The following UTP15 variants were observed in gnomAD, a reference collection of about 807,000 sequenced individuals.
UTP15 encodes U3 small nucleolar RNA-associated protein 15 homolog.
Under a neutral mutation model 59.1 loss-of-function variants are expected in UTP15, and 5 were observed. The ratio of observed to expected loss-of-function variants is 0.08; its 90% CI spans 0.04 to 0.18. The LOEUF is 0.18. Among genes scored for constraint, UTP15 ranks in the 10% least tolerant of loss-of-function variants. UTP15 has a pLI of 1.00. For missense variants in UTP15, 494 were observed against 616.7 expected (o/e 0.80, Z 2.11); for synonymous variants, 211 against 212.2 (o/e 0.99, Z 0.05).
At chr5:73,578,615 A>T in intron 9 of UTP15, 136 bp from the exon 10 acceptor site, 1 of 660,976 alleles carries the variant, frequency 1.5e-6, no homozygotes. Flanking sequence ...ATTTTTATTT[A>T]ATCTACATTA....
At chr5:73,578,489 T>G in intron 9 of UTP15, 1 of 382,760 alleles carries the variant, frequency 2.6e-6, no homozygotes, top group Admixed American at 4.1e-5. Context: ...AATTTTTACC[T>G]AGAATTAAGG....
intron 12 of UTP15, 70 bp downstream of exon 12, chr5:73,579,445 G>A: frequency 8.2e-7 from 1 of 1,223,418 alleles, no homozygotes; most frequent in Non-Finnish European, 1.2e-6. Context: ...AATCAAATTT[G>A]GAAATCAAGT....
intron 7 of UTP15, among the ~76,000 whole-genome samples, chr5:73,574,976 G>A (rs1748049066): frequency 6.6e-6 from 1 of 152,166 alleles, no homozygotes; most frequent in Non-Finnish European, 1.5e-5. Context: ...CACATCCACT[G>A]TATACTTTAA....
At chr5:73,570,780 C>G in intron 6 of UTP15, 69 bp downstream of exon 6, 6 of 1,590,190 alleles carry the variant, frequency 3.8e-6, no homozygotes, top group South Asian at 1.1e-5. Flanking sequence ...ATCAGTTGCT[C>G]TTTGTAATTT....
intron 4 of UTP15, 95 bp downstream of exon 4, chr5:73,568,699 A>C: frequency 1.6e-6 from 2 of 1,230,506 alleles, no homozygotes; most frequent in South Asian, 3.3e-5. Context: ...GATCAGTTTT[A>C]TGGAGATTAT....
chr5:73,574,377 T>C (rs1380523664), intron 7 of UTP15, among the ~76,000 whole-genome samples: 1 of 152,120 alleles, frequency 6.6e-6, no homozygotes, highest in East Asian at 1.9e-4. Flanking sequence ...AAATTAAAAT[T>C]AGATAAAATA....
rs1038597206 is a variant in UTP15 at position 73,577,719 on chromosome 5, C to T, written c.895-137C>T. On this transcript the variant is annotated intron_variant, in intron 8 of 12. Transcript: ENST00000296792. ...ACGTCTTGCACCAATCATCGTTAGGCAGACTATGTGTATTTGAATGGAACT... is the reference window on the plus strand; with the variant it reads ...ACGTCTTGCACCAATCATCGTTAGGTAGACTATGTGTATTTGAATGGAACT... The T allele has an allele frequency of 1.6e-4, 111 of 705,796 alleles. No homozygotes were observed. The African/African-American group carries it at 1.7e-3, about 11-fold the overall frequency. The allele number at this position is 705,796 out of a possible 1,614,324, so 43.7% of individuals were successfully genotyped here.
Position 73,570,625 on chromosome 5 carries a change from C to T in UTP15, c.587C>T (p.Thr196Met), listed in dbSNP as rs185065676. 88 of 1,614,132 alleles carry T rather than the reference C, an allele frequency of 5.5e-5. No homozygotes were observed. In the East Asian group the frequency reaches 1.4e-3, roughly 25 times the overall value. The change falls in exon 6 of 13, where the codon ACG (threonine) becomes ATG (methionine). Residue 196 changes from threonine (T) to methionine (M), a missense_variant. Transcript: ENST00000296792. ...DHTVKMFDAR[T>M]SESVLSVEHG... ...ACTGTGAAGATGTTTGATGCACGAA[C>T]GAGTGAGAGTGTTCTCTCCGTTGAG... is the stretch of plus-strand genomic sequence containing the variant.
chr5:73,578,544 T>A, intron 9 of UTP15: 1 of 501,210 alleles, frequency 2.0e-6, no homozygotes, highest in South Asian at 2.8e-5. Flanking sequence ...AGTAAGAACA[T>A]GTTGATGTAG....
intron 9 of UTP15, chr5:73,578,505 G>A: frequency 4.7e-6 from 2 of 424,636 alleles, no homozygotes; most frequent in Non-Finnish European, 8.5e-6. Flanking sequence ...TAAGGCAATG[G>A]TGCATGTTGT....
chr5:73,568,714 C>G (rs564294766), intron 4 of UTP15, 110 bp downstream of exon 4: 1 of 1,000,568 alleles, frequency 1.0e-6, no homozygotes, highest in African/African-American at 1.6e-5. Flanking sequence ...GATTATTTGC[C>G]TATAGGTACT....
At chr5:73,576,377 A>C (rs1748093647) in intron 7 of UTP15, among the ~76,000 whole-genome samples, 3 of 151,692 alleles carry the variant, frequency 2.0e-5, no homozygotes, top group Admixed American at 2.0e-4. Context: ...AAGTGCTGGG[A>C]TTACAGACCT....
Position 73,582,840 on chromosome 5 carries a change from G to C in UTP15, c.*2746G>C, listed in dbSNP as rs1748364556. 7 of 152,126 alleles carry C rather than the reference G, an allele frequency of 4.6e-5. No individual in the cohort carries two copies. Among genetic ancestry groups the C allele is most frequent in the Admixed American group, 3.3e-4 (5 of 15,272 alleles). The allele number at this position is 152,126 out of a possible 1,614,324, so 9.4% of individuals were successfully genotyped here. Reference sequence around the variant, plus strand: ...TTAGACTTATGAGTTTCAGTTGAAAGGTATTTTAAAATGTTACTAAGTCTG... The same window carrying C: ...TTAGACTTATGAGTTTCAGTTGAAACGTATTTTAAAATGTTACTAAGTCTG... On this transcript the variant is annotated 3_prime_UTR_variant, in exon 13 of 13. Coordinates refer to ENST00000296792, the MANE Select transcript of UTP15 (RefSeq NM_032175.4).
intron 9 of UTP15, 131 bp from the exon 10 acceptor site, chr5:73,578,620 A>G (rs113141150): frequency 1.4e-6 from 1 of 730,830 alleles, no homozygotes; most frequent in Non-Finnish European, 2.2e-6. Flanking sequence ...TATTTAATCT[A>G]CATTATGGGC....
chr5:73,568,350 T>G, intron 3 of UTP15, 23 bp downstream of exon 3: 1 of 1,584,760 alleles, frequency 6.3e-7, no homozygotes, highest in South Asian at 1.2e-5. Flanking sequence ...TTAAATTTCT[T>G]TATTTTTCTT....
rs749346008 is a variant in UTP15 at position 73,580,088 on chromosome 5, A to T, written c.1551A>T (p.Glu517Asp). 3 of 1,612,724 alleles carry T rather than the reference A, an allele frequency of 1.9e-6. No homozygotes were observed. The highest frequency in any genetic ancestry group is 2.5e-6 in the Non-Finnish European group (3 of 1,179,168). ...GATTTCCAGAGAATAAGAAGATAGA[A>T]TCATAGTGTCTGCTAAATAAGACAT... ...SDGFPENKKIES is the reference protein window; with the variant it reads ...SDGFPENKKIDS Residue 517 changes from glutamate to aspartate, a missense_variant, in exon 13 of 13, where the codon GAA (glutamate) becomes GAT (aspartate). Coordinates refer to ENST00000296792, the MANE Select transcript of UTP15 (RefSeq NM_032175.4).
intron 7 of UTP15, among the ~76,000 whole-genome samples, chr5:73,575,336 TG>T (rs1748058244): frequency 6.6e-6 from 1 of 152,240 alleles, no homozygotes; most frequent in Non-Finnish European, 1.5e-5. Context: ...GAGTGATTTT[TG>T]TTCCTCAAGG....
Position 73,581,940 on chromosome 5 carries a change from T to C in UTP15, c.*1846T>C, listed in dbSNP as rs1471335664. ...TTTGGGGTTGAGAAGAGTTCATTTATTTAAATAAAGTTTCTATTTAAAAAC... is the reference window on the plus strand; with the variant it reads ...TTTGGGGTTGAGAAGAGTTCATTTACTTAAATAAAGTTTCTATTTAAAAAC... On this transcript the variant is annotated 3_prime_UTR_variant, in exon 13 of 13. Coordinates refer to ENST00000296792, the MANE Select transcript of UTP15 (RefSeq NM_032175.4). 7 of 152,220 alleles carry C rather than the reference T, an allele frequency of 4.6e-5. No individual in the cohort carries two copies. The allele number at this position is 152,220 out of a possible 1,614,324, so 9.4% of individuals were successfully genotyped here. A position where few individuals can be genotyped will look rare whatever the true frequency, so the allele number is the denominator to read the frequency against.
In UTP15 at chr5:73,579,017, C is replaced by T. The variant is rs754067669; in HGVS notation, c.1147C>T (p.Pro383Ser). Residue 383 changes from proline to serine, a missense_variant and splice_region_variant, in exon 11 of 13, where the codon CCC (proline) becomes TCC (serine). Transcript: ENST00000296792. Reference sequence around the variant, plus strand: ...ATGTTGACTTTGAAAATTTTTCTAGCCCACTTGTACAATAAAGACACCCGA... The same window carrying T: ...ATGTTGACTTTGAAAATTTTTCTAGTCCACTTGTACAATAAAGACACCCGA... ...ISKALDRVLD[P>S]TCTIKTPEIT... The T allele has an allele frequency of 1.4e-5, 23 of 1,605,930 alleles. No homozygotes were observed. The highest frequency in any genetic ancestry group is 2.0e-5 in the Non-Finnish European group (23 of 1,175,014).
Sources: allele counts gnomAD v4.1 joint callset (sites outside exome capture counted in the v4.1 genomes callset), GRCh38; gene constraint gnomAD v4.1.1; transcripts MANE v1.5; gene names NCBI Gene and HGNC (gene_info 2026-07-23, HGNC 2026-07-21).